The following GPSM1 variants were observed in gnomAD, a reference collection of about 807,000 sequenced individuals.
The protein encoded by GPSM1 is G protein signaling modulator 1.
A neutral mutation model predicts 70.5 loss-of-function variants in GPSM1; 48 were observed. The observed-to-expected ratio is 0.68, with a 90% CI of 0.54 to 0.87. The LOEUF is 0.87. Ranked by LOEUF, GPSM1 falls within the 40% of genes least tolerant of loss-of-function variation. The probability of loss-of-function intolerance (pLI) is 0.00; values close to 1 mark genes in which losing one functional copy is unlikely to be tolerated. For synonymous variants in GPSM1, 416 were observed against 430.1 expected (o/e 0.97, Z 0.41); for missense variants, 981 against 972.6 (o/e 1.01, Z -0.11).
chr9:136,332,970 C>T (rs892516343), intron 1 of GPSM1, among the ~76,000 whole-genome samples: 4 of 151,998 alleles, frequency 2.6e-5, no homozygotes, highest in Non-Finnish European at 5.9e-5. Context: ...GATCGCACCA[C>T]TGCACTCCAG....
rs1554772241 is a variant in GPSM1 at position 136,352,196 on chromosome 9, CG to C, written c.1455+2434del. ...GCTGCGCCGTTGCTGTTGGTGACAC[CG>C]ATGCTGCGCCGTTGCTGTTGGTGAC... is the stretch of plus-strand genomic sequence containing the variant. On this transcript the variant is annotated intron_variant, in intron 11 of 13. Transcript: ENST00000440944. 1.6e-4 allele frequency among the ~76,000 whole-genome samples: 6 copies of C among 38,136 alleles called. 1 individual carries two copies. Among genetic ancestry groups the C allele is most frequent in the East Asian group, 4.1e-3 (2 of 488 alleles). 25.0% of individuals were successfully genotyped at this position (38,136 alleles called of 152,430 possible). A position where few individuals can be genotyped will look rare whatever the true frequency, so the allele number is the denominator to read the frequency against.
intron 3 of GPSM1, 106 bp downstream of exon 3, chr9:136,336,207 G>A: frequency 7.5e-7 from 1 of 1,326,616 alleles, no homozygotes; most frequent in Non-Finnish European, 1.0e-6. Context: ...AGCTCCTCAT[G>A]GGAGGGATGA....
rs1832312407 is a variant in GPSM1 at position 136,338,697 on chromosome 9, G to A, written c.961G>A (p.Glu321Lys). 4.5e-6 allele frequency: 7 copies of A among 1,557,836 alleles called. No individual in the cohort carries two copies. In the South Asian group the frequency reaches 7.1e-5, roughly 16 times the overall value. ...YHLRHLLIAQ[E>K]LADRVGEGRA... ...CCTGCGGCACCTGCTCATTGCCCAGGAGCTGGCCGACAGGTGCGTGGGCGC... is the reference window on the plus strand; with the variant it reads ...CCTGCGGCACCTGCTCATTGCCCAGAAGCTGGCCGACAGGTGCGTGGGCGC... Residue 321 changes from glutamate (E) to lysine (K), a missense_variant, in exon 7 of 14, where the codon GAG (glutamate) becomes AAG (lysine). Transcript: ENST00000440944.
At chr9:136,345,267 C>T (rs1203925425) in intron 9 of GPSM1, among the ~76,000 whole-genome samples, 1 of 152,184 alleles carries the variant, frequency 6.6e-6, no homozygotes, top group African/African-American at 2.4e-5. Flanking sequence ...TGACGGTCAG[C>T]GTCGGGTGGC....
chr9:136,337,378 T>C (rs1832267846), intron 4 of GPSM1, 63 bp from the exon 5 acceptor site: 1 of 1,547,578 alleles, frequency 6.5e-7, no homozygotes, highest in East Asian at 2.4e-5. Context: ...TCAGCTCTTC[T>C]AGCCTGGGGT....
intron 11 of GPSM1, among the ~76,000 whole-genome samples, chr9:136,350,665 GCCCCACCCTGCCCTA>G (rs1554771923): frequency 1.3e-5 from 2 of 152,140 alleles, no homozygotes; most frequent in Non-Finnish European, 1.5e-5. Context: ...GGGCTGGGAG[GCCCCACCCTGCCCTA>G]CCCCACCTGG....
rs116909701 is a variant in GPSM1, at chr9:136,342,119, G to A, written c.1207+1126G>A. Among the ~76,000 whole-genome samples the A allele has an allele frequency of 2.5e-3, 373 of 151,848 alleles. 6 individuals are homozygous for A. The highest frequency in any genetic ancestry group is 4.3e-3 in the Admixed American group (65 of 15,270). ...CAAGGTGCTGTGACCGATGGCAGTG[G>A]GTGGGTAGGGGATGGGCTGGAATGT... On this transcript the variant is annotated intron_variant, in intron 9 of 13. Coordinates refer to ENST00000440944, the MANE Select transcript of GPSM1 (RefSeq NM_001145638.3). This position sits in a 1 kb window ranked among gnomAD's most constrained non-coding sequence, Gnocchi z 5.5.
rs1319208786 is a variant in GPSM1 at position 136,358,270 on chromosome 9, G to T, written c.*50G>T. 1.6e-5 allele frequency: 23 copies of T among 1,440,636 alleles called. No individual in the cohort carries two copies. The highest frequency in any genetic ancestry group is 2.5e-5 in the East Asian group (1 of 40,380). The allele number at this position is 1,440,636 out of a possible 1,614,324, so 89.2% of individuals were successfully genotyped here. Reference sequence around the variant, plus strand: ...ACCCTGCCCCCACTCCTGGACGCCGGTCTCACAGTCACAGCCACGTCCTCC... The same window carrying T: ...ACCCTGCCCCCACTCCTGGACGCCGTTCTCACAGTCACAGCCACGTCCTCC... On this transcript the variant is annotated 3_prime_UTR_variant, in exon 14 of 14. Transcript: ENST00000440944.
At chr9:136,351,955 G>GTGGCCGAGTGGCCGGA (rs1458623166) in intron 11 of GPSM1, among the ~76,000 whole-genome samples, 1 of 24,868 alleles carries the variant, frequency 4.0e-5, no homozygotes, top group African/African-American at 1.6e-4. Flanking sequence ...TGGGGCGTCA[G>GTGGCCGAGTGGCCGGA]TGGCCGGGTG....
chr9:136,327,808 A>C, intron 1 of GPSM1, 45 bp downstream of exon 1: 2 of 816,426 alleles, frequency 2.4e-6, no homozygotes, highest in Non-Finnish European at 3.2e-6. Context: ...CTGGGACCGG[A>C]CCGGGCCGGG....
At chr9:136,345,906 C>T (rs1453354161) in intron 9 of GPSM1, among the ~76,000 whole-genome samples, 3 of 152,188 alleles carry the variant, frequency 2.0e-5, no homozygotes, top group South Asian at 2.1e-4. Context: ...ACCCCAGCCC[C>T]GTTCTGTCCC....
rs529233837 is a variant in GPSM1 at position 136,335,199 on chromosome 9, C to T, written c.290+531C>T. Among the ~76,000 whole-genome samples the T allele has an allele frequency of 2.0e-4, 31 of 151,734 alleles. No homozygotes were observed. In the East Asian group the frequency reaches 4.5e-3, roughly 22 times the overall value. On this transcript the variant is annotated intron_variant, in intron 2 of 13. Coordinates refer to ENST00000440944, the MANE Select transcript of GPSM1 (RefSeq NM_001145638.3). ...GCCCCAGGCCCCAGGCCCTGAGCCC[C>T]GGGCCCACTCCCAGCCACTGCTCAG...
At chr9:136,354,031 G>T (rs1340560574) in intron 11 of GPSM1, among the ~76,000 whole-genome samples, 1 of 152,170 alleles carries the variant, frequency 6.6e-6, no homozygotes, top group Non-Finnish European at 1.5e-5. Flanking sequence ...CCTGAGCCAG[G>T]CTGCAGGAGG....
chr9:136,337,529 G>A lies in GPSM1; in HGVS notation c.667G>A (p.Gly223Arg), dbSNP rs1554769469. 2 of 1,560,578 alleles carry A rather than the reference G, an allele frequency of 1.3e-6. No individual in the cohort carries two copies. Among genetic ancestry groups the A allele is most frequent in the Admixed American group, 1.9e-5 (1 of 51,898 alleles). ...CCTGGGCAACACCCACTATTTGTTG[G>A]GGAACTTCACAGAGGCCACGACCTT... ...GNLGNTHYLLGNFTEATTFHK... is the reference protein window; with the variant it reads ...GNLGNTHYLLRNFTEATTFHK... Residue 223 changes from glycine to arginine, a missense_variant, in exon 5 of 14, where the codon GGG becomes AGG. By Grantham distance (125) the Gly-to-Arg change is moderately radical. Coordinates refer to ENST00000440944, the MANE Select transcript of GPSM1 (RefSeq NM_001145638.3).
Position 136,336,931 on chromosome 9 carries a change from C to A in GPSM1, c.437C>A (p.Ala146Glu). 6.4e-7 allele frequency: 1 copy of A among 1,555,276 alleles called. No homozygotes were observed. The highest frequency in any genetic ancestry group is 8.7e-7 in the Non-Finnish European group (1 of 1,150,030). Residue 146 changes from alanine (A) to glutamate (E), a missense_variant, in exon 4 of 14, where the codon GCG becomes GAG. Transcript: ENST00000440944. ...CCGTACTGCCCACAGGTTGGGGAGG[C>A]GAGGGCCCTCTACAACATCGGGAAC... ...AQEQGDKVGE[A>E]RALYNIGNVY... is the part of the protein sequence containing the mutation.
At position 136,348,727 on chromosome 9, in the gene GPSM1, G is replaced by C. The variant is rs1554771627; in HGVS notation, c.1238G>C (p.Ser413Thr). Residue 413 changes from serine (S) to threonine (T), a missense_variant, in exon 10 of 14, where the codon AGC becomes ACC. Ser to Thr is a moderately conservative substitution (Grantham distance 58). Coordinates refer to ENST00000440944, the MANE Select transcript of GPSM1 (RefSeq NM_001145638.3). Reference sequence around the variant, plus strand: ...AGACCCAAGAGGACGCAGAGGCTGAGCGCGGAGACCTGGGACCTGCTGAGA... The same window carrying C: ...AGACCCAAGAGGACGCAGAGGCTGACCGCGGAGACCTGGGACCTGCTGAGA... ...GARPKRTQRL[S>T]AETWDLLRLP... 1.2e-6 allele frequency: 2 copies of C among 1,612,410 alleles called. No individual in the cohort carries two copies. Among genetic ancestry groups the C allele is most frequent in the Non-Finnish European group, 1.7e-6 (2 of 1,179,648 alleles).
intron 6 of GPSM1, 29 bp downstream of exon 6, chr9:136,337,990 G>C: frequency 6.9e-7 from 1 of 1,448,088 alleles, no homozygotes. Flanking sequence ...CTCCCAGGGA[G>C]ACAGCAGGCC....
rs1554769695 is a variant in GPSM1, at chr9:136,338,616, A to T, written c.880A>T (p.Ser294Cys). The change falls in exon 7 of 14, where the codon AGT becomes TGT. Residue 294 changes from serine (S) to cysteine (C), a missense_variant. Ser to Cys is a moderately radical substitution (Grantham distance 112, BLOSUM62 -1). Coordinates refer to ENST00000440944, the MANE Select transcript of GPSM1 (RefSeq NM_001145638.3). ...GGCAGTGGAGGCGCAGGCCTGCTACAGTCTGGGCAACACCTACACGCTGCT... is the reference window on the plus strand; with the variant it reads ...GGCAGTGGAGGCGCAGGCCTGCTACTGTCTGGGCAACACCTACACGCTGCT... ...DQAVEAQACY[S>C]LGNTYTLLQD... 5 of 1,609,862 alleles carry T rather than the reference A, an allele frequency of 3.1e-6. No homozygotes were observed. Among genetic ancestry groups the T allele is most frequent in the Non-Finnish European group, 3.4e-6 (4 of 1,179,036 alleles).
Position 136,337,920 on chromosome 9 carries a change from C to T in GPSM1, c.777C>T (p.His259=), listed in dbSNP as rs782358903. 1.2e-5 allele frequency: 19 copies of T among 1,612,304 alleles called. No individual in the cohort carries two copies. The highest frequency in any genetic ancestry group is 6.7e-5 in the Admixed American group (4 of 59,966). The change falls in exon 6 of 14, where the codon CAC becomes CAT. Residue 259 remains histidine (H), a synonymous_variant. Coordinates refer to ENST00000440944, the MANE Select transcript of GPSM1 (RefSeq NM_001145638.3). ...CCTACAGCAACCTGGGGAACGCCCA[C>T]GTCTTCCTGGGGCGCTTTGACGTGG... ...RRAYSNLGNA[H]VFLGRFDVAA...
Sources: gnomAD v4.1 joint callset for allele counts (sites outside exome capture counted in the v4.1 genomes callset) on GRCh38, gnomAD v4.1.1 for gene constraint, Gnocchi (gnomAD v3.1) non-coding constraint, MANE v1.5 for transcripts, NCBI Gene and HGNC (gene_info 2026-07-23, HGNC 2026-07-21) for gene names.